TTYH1: variants seen among roughly 807,000 people sequenced by gnomAD.
TTYH1 encodes the protein protein tweety homolog 1.
In TTYH1, 33 loss-of-function variants were observed where a neutral mutation model predicts 61.2. That is an observed-to-expected ratio of 0.54 (90% CI 0.41 to 0.72). The LOEUF is 0.72. Ranked by LOEUF, TTYH1 falls within the 30% of genes least tolerant of loss-of-function variation. The pLI is 0.00. For synonymous variants in TTYH1, 308 were observed against 266.4 expected (o/e 1.16, Z -1.52); for missense variants, 538 against 575.8 (o/e 0.93, Z 0.67).
intron 4 of TTYH1, among the ~76,000 whole-genome samples, chr19:54,424,427 CTGCGCT>C (rs2122893109): frequency 6.6e-6 from 1 of 152,370 alleles, no homozygotes; most frequent in Non-Finnish European, 1.5e-5. Context: ...TTCCGGGATG[CTGCGCT>C]CCAGCGGGGA....
Position 54,421,706 on chromosome 19 carries a change from G to A in TTYH1, c.417+318G>A, listed in dbSNP as rs991699410. Among the ~76,000 whole-genome samples, 13 of 152,018 alleles carry A rather than the reference G, an allele frequency of 8.6e-5. No homozygotes were observed. The highest frequency in any genetic ancestry group is 3.9e-4 in the East Asian group (2 of 5,180). On this transcript the variant is annotated intron_variant, in intron 3 of 13. Coordinates refer to ENST00000376530, the MANE Select transcript of TTYH1 (RefSeq NM_020659.4). This position sits in a 1 kb window ranked among gnomAD's most constrained non-coding sequence, Gnocchi z 4.8. ...GGGCCCCAGACCTGATTCTTGGCCC[G>A]TAAGCAAGCTCAGGGACCCCCGCCC...
intron 1 of TTYH1, chr19:54,418,630 T>C (rs181043408): frequency 0.01 from 1,563 of 154,674 alleles, 27 homozygotes; most frequent in African/African-American, 0.035. Flanking sequence ...GGTGTAGCGC[T>C]CAGCAGCAGG....
intron 5 of TTYH1, among the ~76,000 whole-genome samples, chr19:54,427,559 GCA>G (rs2083351422): frequency 6.9e-6 from 1 of 145,304 alleles, no homozygotes; most frequent in South Asian, 2.2e-4. Flanking sequence ...AGCTGAGATT[GCA>G]CCACTGCACT....
Position 54,429,989 on chromosome 19 carries a change from GT to G in TTYH1, c.883+34del. 1 of 1,597,472 alleles carries G rather than the reference GT, an allele frequency of 6.3e-7. No individual in the cohort carries two copies. The highest frequency in any genetic ancestry group is 8.6e-7 in the Non-Finnish European group (1 of 1,165,702). On this transcript the variant is annotated intron_variant, in intron 7 of 13. Transcript: ENST00000376530. The surrounding 1 kb of genome is among the most constrained non-coding windows in gnomAD (Gnocchi z 5.1). ...TCCAAGGGCCCGGTGGGTCCGCCGG[GT>G]TGGGCAGTGCAGGCCCTGGCTTCCT...
chr19:54,435,878 T>G lies in TTYH1; in HGVS notation c.1314+5T>G, dbSNP rs764257195. On this transcript the variant is annotated splice_donor_5th_base_variant and intron_variant, in intron 12 of 13. Transcript: ENST00000376530. The stretch of plus-strand genomic sequence containing the variant: ...GACGACCCTTTCAACCCTCAGGTAC[T>G]GGATGCCTGGGTCTGAGGGAGGAGG... 3 of 1,613,814 alleles carry G rather than the reference T, an allele frequency of 1.9e-6. No homozygotes were observed. The highest frequency in any genetic ancestry group is 1.7e-6 in the Non-Finnish European group (2 of 1,179,872).
chr19:54,417,002 C>A, intron 1 of TTYH1: 1 of 1,193,050 alleles, frequency 8.4e-7, no homozygotes, highest in Non-Finnish European at 1.1e-6. Context: ...GCGGGCAGAG[C>A]CCCACAGCCG....
chr19:54,430,480 C>T (rs2083413326), intron 7 of TTYH1, 70 bp from the exon 8 acceptor site: 4 of 1,563,198 alleles, frequency 2.6e-6, no homozygotes, highest in Admixed American at 1.7e-5. Context: ...CCCCAGTGCC[C>T]GGCCTTCCCC....
chr19:54,430,298 C>G (rs546915385), intron 7 of TTYH1, among the ~76,000 whole-genome samples: 9 of 152,290 alleles, frequency 5.9e-5, no homozygotes, highest in African/African-American at 1.9e-4. Flanking sequence ...GTTTGGCCCC[C>G]TGGAGAAAAC....
In TTYH1 at chr19:54,422,269, C is replaced by T. The variant is rs372688340; in HGVS notation, c.497C>T (p.Thr166Met). ...CTGGAGGAGGTGCTCGAGCCGCGCA[C>T]GGAGCTGGTGGCTGCCGCCCGAGGG... ...TTLEEVLEPR[T>M]ELVAAARGAR... Residue 166 changes from threonine to methionine, a missense_variant, in exon 4 of 14, where the codon ACG (threonine) becomes ATG (methionine). Physicochemically the swap from Thr to Met is moderately conservative, Grantham distance 81. Coordinates refer to ENST00000376530, the MANE Select transcript of TTYH1 (RefSeq NM_020659.4). The T allele has an allele frequency of 3.0e-5, 47 of 1,566,880 alleles. No individual in the cohort carries two copies. The highest frequency in any genetic ancestry group is 1.9e-4 in the African/African-American group (14 of 74,506).
chr19:54,420,068 A>G lies in TTYH1; in HGVS notation c.305+762A>G, dbSNP rs1247451999. Among the ~76,000 whole-genome samples the G allele has an allele frequency of 1.3e-5, 2 of 152,096 alleles. No individual in the cohort carries two copies. The highest frequency in any genetic ancestry group is 4.8e-5 in the African/African-American group (2 of 41,418). ...CCACGTGGCTTAAGAGGCAGCACAG[A>G]GATTCAGACCCAGGTTAGTAGGACC... On this transcript the variant is annotated intron_variant, in intron 2 of 13. Transcript: ENST00000376530. This position sits in a 1 kb window ranked among gnomAD's most constrained non-coding sequence, Gnocchi z 4.8.
chr19:54,431,109 T>C lies in TTYH1; in HGVS notation c.1043T>C (p.Leu348Pro). The change falls in exon 10 of 14, where the codon CTG (leucine) becomes CCG (proline). Residue 348 changes from leucine to proline, a missense_variant. Leu to Pro is a moderately conservative substitution (Grantham distance 98). Coordinates refer to ENST00000376530, the MANE Select transcript of TTYH1 (RefSeq NM_020659.4). ...PQFPSAQKPL[L>P]SLEETLNVTE... ...CTCCTCGCCCCGCAGAAGCCTCTGC[T>C]GTCCTTGGAGGAGACTCTGAATGTG... 6.2e-7 allele frequency: 1 copy of C among 1,613,336 alleles called. No individual in the cohort carries two copies. The highest frequency in any genetic ancestry group is 8.5e-7 in the Non-Finnish European group (1 of 1,179,268).
In TTYH1 at chr19:54,416,862, G is replaced by T; in HGVS notation, c.126+1184G>T. ...CCGGCCTCGGCCCAGACTCACGCCC[G>T]CTCTGGCCCGGAGACCTCCCGAAGC... On this transcript the variant is annotated intron_variant, in intron 1 of 13. Coordinates refer to ENST00000376530, the MANE Select transcript of TTYH1 (RefSeq NM_020659.4). The surrounding 1 kb of genome is among the most constrained non-coding windows in gnomAD (Gnocchi z 7.0). The T allele has an allele frequency of 7.7e-7, 1 of 1,292,184 alleles. No homozygotes were observed. The highest frequency in any genetic ancestry group is 1.0e-6 in the Non-Finnish European group (1 of 988,274). 80.0% of individuals were successfully genotyped at this position (1,292,184 alleles called of 1,614,324 possible).
chr19:54,416,188 T>G lies in TTYH1; in HGVS notation c.126+510T>G. 1.4e-6 allele frequency: 1 copy of G among 706,580 alleles called. No homozygotes were observed. Among genetic ancestry groups the G allele is most frequent in the South Asian group, 1.5e-5 (1 of 64,914 alleles). The allele number at this position is 706,580 out of a possible 1,614,324, so 43.8% of individuals were successfully genotyped here. On this transcript the variant is annotated intron_variant, in intron 1 of 13. Coordinates refer to ENST00000376530, the MANE Select transcript of TTYH1 (RefSeq NM_020659.4). This position sits in a 1 kb window ranked among gnomAD's most constrained non-coding sequence, Gnocchi z 7.0. ...AGAGTCTGAAATGGGGAAGGGGGCT[T>G]CAGGGGCTGAGGACCAGGGCTGGAA...
intron 4 of TTYH1, among the ~76,000 whole-genome samples, chr19:54,423,798 G>A (rs1002800186): frequency 6.6e-5 from 10 of 152,106 alleles, no homozygotes; most frequent in Non-Finnish European, 1.2e-4. Context: ...TGCGTCCTCC[G>A]GGGGGAACCA....
In TTYH1 at chr19:54,436,099, G is replaced by A. The variant is rs1430271391; in HGVS notation, c.1323G>A (p.Lys441=). 1.2e-6 allele frequency: 2 copies of A among 1,613,948 alleles called. No individual in the cohort carries two copies. Among genetic ancestry groups the A allele is most frequent in the Non-Finnish European group, 1.7e-6 (2 of 1,179,974 alleles). Residue 441 remains lysine (K), a synonymous_variant, in exon 13 of 14, where the codon AAG becomes AAA. Coordinates refer to ENST00000376530, the MANE Select transcript of TTYH1 (RefSeq NM_020659.4). The surrounding 1 kb of genome is among the most constrained non-coding windows in gnomAD (Gnocchi z 4.3). The part of the protein sequence containing the change: ...DDDPFNPQES[K]RFVQWQSSI ...CCCGAATCTCCTAGCAGGAATCCAA[G>A]CGCTTTGTGCAGTGGCAGTCGTCTA...
At chr19:54,428,079 GTTT>G (rs936820982) in intron 5 of TTYH1, among the ~76,000 whole-genome samples, 5 of 62,478 alleles carry the variant, frequency 8.0e-5, no homozygotes, top group South Asian at 7.4e-4. Context: ...TCCCGGCTAA[GTTT>G]TTTTTTTTTT....
In TTYH1 at chr19:54,415,496, A is replaced by G; in HGVS notation, c.-57A>G. ...CCCCGCGCCGCCCGCGCCCCGCTCG[A>G]CTCCGGAGGCTCCCGCAGCCCCGGC... is the stretch of plus-strand genomic sequence containing the variant. On this transcript the variant is annotated 5_prime_UTR_variant, in exon 1 of 14. Transcript: ENST00000376530. This position sits in a 1 kb window ranked among gnomAD's most constrained non-coding sequence, Gnocchi z 5.2. The G allele has an allele frequency of 8.2e-7, 1 of 1,219,378 alleles. No homozygotes were observed. The highest frequency in any genetic ancestry group is 1.0e-6 in the Non-Finnish European group (1 of 978,372). 75.5% of individuals were successfully genotyped at this position (1,219,378 alleles called of 1,614,324 possible).
intron 5 of TTYH1, among the ~76,000 whole-genome samples, chr19:54,428,360 A>T (rs1439320707): frequency 6.6e-6 from 1 of 151,780 alleles, no homozygotes; most frequent in Non-Finnish European, 1.5e-5. Context: ...AAGTGCCTGG[A>T]TTACAGGCAT....
chr19:54,425,219 G>A (rs552472901), intron 4 of TTYH1, among the ~76,000 whole-genome samples: 281 of 152,342 alleles, frequency 1.8e-3, no homozygotes, highest in Non-Finnish European at 3.0e-3. Context: ...GGATCCGGAG[G>A]GTGGAAGTCA....
Sources: allele counts gnomAD v4.1 joint callset (sites outside exome capture counted in the v4.1 genomes callset), GRCh38; gene constraint gnomAD v4.1.1; non-coding constraint Gnocchi (gnomAD v3.1); transcripts MANE v1.5; gene names NCBI Gene and HGNC (gene_info 2026-07-23, HGNC 2026-07-21).